The following DLG2 variants were observed in gnomAD, a reference collection of about 807,000 sequenced individuals.
DLG2 encodes disks large homolog 2.
A neutral mutation model predicts 132.5 loss-of-function variants in DLG2; 45 were observed. The observed-to-expected ratio is 0.34, with a 90% CI of 0.27 to 0.44. The LOEUF is 0.44. Among genes scored for constraint, DLG2 ranks in the 20% least tolerant of loss-of-function variants. DLG2 has a pLI of 1.00. For missense variants in DLG2, 1,045 were observed against 1,196.9 expected (o/e 0.87, Z 1.87); for synonymous variants, 424 against 419.6 (o/e 1.01, Z -0.13).
At chr11:83,787,235 G>GAT (rs946717772) in intron 17 of DLG2, among the ~76,000 whole-genome samples, 10 of 151,234 alleles carry the variant, frequency 6.6e-5, no homozygotes, top group African/African-American at 2.2e-4. Context: ...AATGGGGCCA[G>GAT]ATGGTTGCCA....
chr11:84,960,140 G>T (rs115904042), intron 6 of DLG2, among the ~76,000 whole-genome samples: 4 of 152,308 alleles, frequency 2.6e-5, no homozygotes, highest in African/African-American at 9.6e-5. Context: ...AGGACATGGT[G>T]AGTGAGTGGC....
intron 3 of DLG2, among the ~76,000 whole-genome samples, chr11:85,581,737 T>C (rs1192430200): frequency 6.6e-6 from 1 of 152,176 alleles, no homozygotes; most frequent in Non-Finnish European, 1.5e-5. Flanking sequence ...GGAGAGACCA[T>C]TTGTTCACTT....
chr11:84,183,166 G>C (rs2096186880), intron 8 of DLG2, among the ~76,000 whole-genome samples: 1 of 152,122 alleles, frequency 6.6e-6, no homozygotes, highest in East Asian at 1.9e-4. Context: ...ATCATTTCAT[G>C]AATAAATTAC....
At chr11:85,617,628 T>C (rs953023077) in intron 2 of DLG2, among the ~76,000 whole-genome samples, 2 of 152,250 alleles carry the variant, frequency 1.3e-5, no homozygotes, top group Non-Finnish European at 2.9e-5. Flanking sequence ...TAAATGAAAG[T>C]AGAGTCATTG....
At chr11:84,928,037 A>G (rs368017756) in intron 6 of DLG2, among the ~76,000 whole-genome samples, 115 of 152,082 alleles carry the variant, frequency 7.6e-4, no homozygotes, top group African/African-American at 2.6e-3. Flanking sequence ...GGCTCTCACA[A>G]AAAATAGGAA....
chr11:85,299,786 T>C (rs1004793883), intron 3 of DLG2, among the ~76,000 whole-genome samples: 1 of 152,194 alleles, frequency 6.6e-6, no homozygotes, highest in Non-Finnish European at 1.5e-5. Flanking sequence ...TTCTAATAAA[T>C]TCCCATGCGA....
At chr11:84,925,499 G>C (rs2092944261) in intron 6 of DLG2, among the ~76,000 whole-genome samples, 3 of 152,080 alleles carry the variant, frequency 2.0e-5, no homozygotes, top group Admixed American at 1.3e-4. Context: ...AGTGGACTAG[G>C]ATAGCCAACT....
intron 7 of DLG2, among the ~76,000 whole-genome samples, chr11:84,342,922 TTG>T (rs1421921962): frequency 2.0e-5 from 3 of 152,166 alleles, no homozygotes; most frequent in Non-Finnish European, 4.4e-5. Flanking sequence ...CCAGCTGAAT[TTG>T]ATGCTTCAGA....
chr11:83,995,367 A>T (rs571806229), intron 11 of DLG2, among the ~76,000 whole-genome samples: 2 of 152,320 alleles, frequency 1.3e-5, no homozygotes, highest in South Asian at 4.1e-4. Flanking sequence ...ATGAGGCTCC[A>T]GAAGTGCCAT....
chr11:84,935,828 G>C (rs1204500028), intron 6 of DLG2, among the ~76,000 whole-genome samples: 1 of 152,100 alleles, frequency 6.6e-6, no homozygotes, highest in Non-Finnish European at 1.5e-5. Context: ...CCTGCATCTA[G>C]CCAAAACATA....
intron 4 of DLG2, among the ~76,000 whole-genome samples, chr11:85,165,019 C>T (rs534808866): frequency 3.9e-5 from 6 of 152,274 alleles, no homozygotes; most frequent in Admixed American, 2.0e-4. Context: ...GTCTGTGCTT[C>T]GATGAGCTCT....
At chr11:84,708,269 A>G (rs897892531) in intron 6 of DLG2, among the ~76,000 whole-genome samples, 2 of 151,938 alleles carry the variant, frequency 1.3e-5, no homozygotes. Context: ...TAACTAGTTT[A>G]CGAAGGCTTT....
At chr11:85,439,356 A>AT (rs35516320) in intron 3 of DLG2, among the ~76,000 whole-genome samples, 17,806 of 132,412 alleles carry the variant, frequency 0.13, 1,541 homozygotes, top group Non-Finnish European at 0.18. Flanking sequence ...CTTCCTCAGC[A>AT]TTTTTTTTTT....
chr11:85,094,582 T>G (rs2069408421), intron 6 of DLG2, among the ~76,000 whole-genome samples: 1 of 152,214 alleles, frequency 6.6e-6, no homozygotes, highest in South Asian at 2.1e-4. Flanking sequence ...TCCTTAAACC[T>G]CATGAAGCAA....
At chr11:83,837,532 G>T (rs1299327018) in intron 16 of DLG2, among the ~76,000 whole-genome samples, 1 of 151,984 alleles carries the variant, frequency 6.6e-6, no homozygotes, top group African/African-American at 2.4e-5. Flanking sequence ...GGGTTGAGGG[G>T]ACAGTTTTTT....
intron 6 of DLG2, among the ~76,000 whole-genome samples, chr11:85,045,889 C>A (rs897200860): frequency 6.6e-6 from 1 of 151,998 alleles, no homozygotes; most frequent in Non-Finnish European, 1.5e-5. Context: ...GGATTTTAAA[C>A]ATCATTATCA....
chr11:84,516,591 C>T (rs1316342732), intron 7 of DLG2, among the ~76,000 whole-genome samples: 1 of 151,144 alleles, frequency 6.6e-6, no homozygotes, highest in African/African-American at 2.4e-5. Context: ...TAAAGAAAGC[C>T]CAGAATCTGA....
At chr11:85,144,484 TG>T (rs1249785154) in intron 5 of DLG2, among the ~76,000 whole-genome samples, 2 of 151,806 alleles carry the variant, frequency 1.3e-5, no homozygotes, top group African/African-American at 2.4e-5. Flanking sequence ...GGTTACTTTG[TG>T]GTCTTCTCTT....
At chr11:84,056,138 T>G (rs867711462) in intron 11 of DLG2, among the ~76,000 whole-genome samples, 8 of 152,176 alleles carry the variant, frequency 5.3e-5, no homozygotes, top group Middle Eastern at 3.4e-3. Flanking sequence ...ACATGTACCA[T>G]GGTGGTTTGC....
Sources: allele counts gnomAD v4.1 joint callset (sites outside exome capture counted in the v4.1 genomes callset), GRCh38; gene constraint gnomAD v4.1.1; transcripts MANE v1.5; gene names NCBI Gene and HGNC (gene_info 2026-07-23, HGNC 2026-07-21).